The following COL17A1 variants were observed in gnomAD, a reference collection of about 807,000 sequenced individuals.
The protein encoded by COL17A1 is collagen type XVII alpha 1 chain.
A neutral mutation model predicts 218.4 loss-of-function variants in COL17A1; 181 were observed. That is an observed-to-expected ratio of 0.83 (90% confidence interval 0.73 to 0.94). The LOEUF is 0.94. Among genes scored for constraint, COL17A1 ranks in the 40% least tolerant of loss-of-function variants. COL17A1 has a pLI of 0.00. For synonymous variants in COL17A1, 721 were observed against 731.0 expected, an observed-to-expected ratio of 0.99 and a Z score of 0.22; for missense variants, 1,924 against 1,945.9, an observed-to-expected ratio of 0.99 and a Z score of 0.21.
At chr10:104,058,023 T>A in intron 16 of COL17A1, 123 bp downstream of exon 16, 1 of 1,433,740 alleles carries the variant, frequency 7.0e-7, no homozygotes, top group East Asian at 2.4e-5. Flanking sequence ...TTAGGGAAAC[T>A]CTTTAGAGTC....
chr10:104,049,186 T>C (rs1278173144), intron 29 of COL17A1, among the ~76,000 whole-genome samples: 1 of 152,168 alleles, frequency 6.6e-6, no homozygotes, highest in Non-Finnish European at 1.5e-5. Flanking sequence ...GACCATGCCC[T>C]GCAAGGCCTC....
Position 104,077,989 on chromosome 10 carries a change from A to G in COL17A1, c.98-463T>C, listed in dbSNP as rs191773656. Among the ~76,000 whole-genome samples the G allele has an allele frequency of 1.1e-3, 162 of 152,264 alleles. 2 individuals are homozygous for G. Among genetic ancestry groups the G allele is most frequent in the African/African-American group, 3.7e-3 (155 of 41,556 alleles). ...CTGGTGTTCCACCTGGCAGCCCATC[A>G]CTGCTCCGACTTCACCTGCTGGTGG... On this transcript the variant is annotated intron_variant, in intron 3 of 55. Coordinates refer to ENST00000648076, the MANE Select transcript of COL17A1 (RefSeq NM_000494.4).
At chr10:104,042,377 C>T (rs369410341) in intron 36 of COL17A1, 43 bp downstream of exon 36, 105 of 1,610,550 alleles carry the variant, frequency 6.5e-5, no homozygotes, top group Non-Finnish European at 8.8e-5. Context: ...AAAGTCCTCC[C>T]GACTGGGCCC....
chr10:104,044,075 A>G (rs1445869535), intron 33 of COL17A1, among the ~76,000 whole-genome samples: 1 of 152,258 alleles, frequency 6.6e-6, no homozygotes, highest in Non-Finnish European at 1.5e-5. Context: ...ATCCGTCTTC[A>G]TTCAGAGAAG....
In COL17A1 at chr10:104,077,530, C is replaced by A; in HGVS notation, c.98-4G>T. The A allele has an allele frequency of 2.5e-6, 4 of 1,608,254 alleles. No homozygotes were observed. Among genetic ancestry groups the A allele is most frequent in the Non-Finnish European group, 3.4e-6 (4 of 1,177,388 alleles). On this transcript the variant is annotated splice_polypyrimidine_tract_variant and splice_region_variant and intron_variant, in intron 3 of 55. Transcript: ENST00000648076. ...TAGCCATTGCTGGTCCCGCCTTCTG[C>A]CAGGAACAAAAGCAGGTGATAATTT... is the stretch of plus-strand genomic sequence containing the variant.
chr10:104,046,803 G>A, intron 31 of COL17A1, 30 bp from the exon 32 acceptor site: 2 of 1,612,070 alleles, frequency 1.2e-6, no homozygotes, highest in Non-Finnish European at 1.7e-6. Context: ...AGAGGGAAGA[G>A]TTGAAGGGTG....
intron 33 of COL17A1, among the ~76,000 whole-genome samples, chr10:104,044,846 C>T (rs149203719): frequency 3.3e-5 from 5 of 152,264 alleles, no homozygotes; most frequent in African/African-American, 1.2e-4. Context: ...ACCATCCATT[C>T]GTGAACATAT....
In COL17A1 at chr10:104,038,515, A is replaced by G; in HGVS notation, c.2961T>C (p.Ser987=). ...PSGPSEGGSS[S]TMYVSGPPGP... ...CTGGCGGGCCTGACACGTACATGGT[A>G]CTTGATGATCCCCCTGCAGCAAAGA... The change falls in exon 45 of 56, where the codon AGT becomes AGC. Residue 987 remains serine, a synonymous_variant. Transcript: ENST00000648076. 1 of 1,612,858 alleles carries G rather than the reference A, an allele frequency of 6.2e-7. No individual in the cohort carries two copies. Among genetic ancestry groups the G allele is most frequent in the Non-Finnish European group, 8.5e-7 (1 of 1,179,934 alleles).
At chr10:104,074,142 C>G (rs1188774348) in intron 6 of COL17A1, 42 bp downstream of exon 6, 4 of 1,613,906 alleles carry the variant, frequency 2.5e-6, no homozygotes, top group Non-Finnish European at 3.4e-6. Context: ...TTTCCTAGTG[C>G]CTCGTTTGAC....
Position 104,037,044 on chromosome 10 carries a change from C to G in COL17A1, c.3277+1G>C. On this transcript the variant is annotated splice_donor_variant, in intron 47 of 55. Coordinates refer to ENST00000648076, the MANE Select transcript of COL17A1 (RefSeq NM_000494.4). LOFTEE classifies it high-confidence loss of function. ...CCTCGATCCCCCCACAGGTGACTCA[C>G]GCTGCAGCACAGCCAGAATGTCTTC... is the stretch of plus-strand genomic sequence containing the variant. The G allele has an allele frequency of 6.2e-7, 1 of 1,603,970 alleles. No individual in the cohort carries two copies. Among genetic ancestry groups the G allele is most frequent in the Non-Finnish European group, 8.5e-7 (1 of 1,176,140 alleles).
chr10:104,071,150 G>C (rs1222916575), intron 8 of COL17A1, among the ~76,000 whole-genome samples: 1 of 152,200 alleles, frequency 6.6e-6, no homozygotes, highest in South Asian at 2.1e-4. Flanking sequence ...GGAAGCAGGA[G>C]AGGTGGGAGG....
chr10:104,055,917 T>C lies in COL17A1; in HGVS notation c.1552A>G (p.Arg518Gly), dbSNP rs2086520447. ...SILPYGDSMDRIEKDRLQGMA... is the reference protein window; with the variant it reads ...SILPYGDSMDGIEKDRLQGMA... ...CCCTGGAGGCGGTCCTTTTCTATTC[T>C]ATCCATGCTGTCCCCATAGGGCAGT... Residue 518 changes from arginine to glycine, a missense_variant, in exon 18 of 56, where the codon AGA becomes GGA. Transcript: ENST00000648076. 1 of 1,614,080 alleles carries C rather than the reference T, an allele frequency of 6.2e-7. No individual in the cohort carries two copies.
rs760810021 is a variant in COL17A1, at chr10:104,043,486, A to G, written c.2515+15T>C. The G allele has an allele frequency of 6.2e-7, 1 of 1,612,736 alleles. No homozygotes were observed. ...CCTATTGCTGATTTGGGGCAAAGCAAGAAAATAGACTGACCTGGGGCACCT... is the reference window on the plus strand; with the variant it reads ...CCTATTGCTGATTTGGGGCAAAGCAGGAAAATAGACTGACCTGGGGCACCT... On this transcript the variant is annotated intron_variant, in intron 35 of 55. Transcript: ENST00000648076.
At chr10:104,036,081 T>TGA (rs1179204911) in intron 48 of COL17A1, among the ~76,000 whole-genome samples, 12 of 108,532 alleles carry the variant, frequency 1.1e-4, no homozygotes, top group South Asian at 6.7e-4. Flanking sequence ...TATGGGAGTG[T>TGA]GTATGGGAGT....
At position 104,031,548 on chromosome 10, in the gene COL17A1, C is replaced by T. The variant is rs1351272345; in HGVS notation, c.*687G>A. Reference sequence around the variant, plus strand: ...GCCCTCAACCTTCTTTTTCTGTTTGCTCTGGCCTGGTTCAGTATAACATAT... The same window carrying T: ...GCCCTCAACCTTCTTTTTCTGTTTGTTCTGGCCTGGTTCAGTATAACATAT... On this transcript the variant is annotated 3_prime_UTR_variant, in exon 56 of 56. Coordinates refer to ENST00000648076, the MANE Select transcript of COL17A1 (RefSeq NM_000494.4). 1 of 152,254 alleles carries T rather than the reference C, an allele frequency of 6.6e-6. No individual in the cohort carries two copies. Among genetic ancestry groups the T allele is most frequent in the African/African-American group, 2.4e-5 (1 of 41,394 alleles). The allele number at this position is 152,254 out of a possible 1,614,324, so 9.4% of individuals were successfully genotyped here.
chr10:104,078,836 T>C (rs952164712), intron 2 of COL17A1, among the ~76,000 whole-genome samples: 2 of 152,222 alleles, frequency 1.3e-5, no homozygotes, highest in African/African-American at 4.8e-5. Flanking sequence ...GCACTGCGTT[T>C]GAAACATGAG....
At chr10:104,059,389 A>T in intron 15 of COL17A1, 1 of 565,910 alleles carries the variant, frequency 1.8e-6, no homozygotes, top group Non-Finnish European at 3.2e-6. Flanking sequence ...ATGCCTTCGT[A>T]GACATGGCAG....
chr10:104,071,990 A>G, intron 8 of COL17A1, 42 bp downstream of exon 8: 1 of 1,613,796 alleles, frequency 6.2e-7, no homozygotes, highest in Non-Finnish European at 8.5e-7. Flanking sequence ...CTAGCCCTGG[A>G]TTTCTGGACC....
intron 24 of COL17A1, 108 bp downstream of exon 24, chr10:104,052,047 G>A (rs1227952901): frequency 2.0e-6 from 3 of 1,474,544 alleles, no homozygotes; most frequent in Non-Finnish European, 2.8e-6. Flanking sequence ...CAGGCCTGGG[G>A]CAGGGGGTTA....
Sources: gnomAD v4.1 joint callset for allele counts (sites outside exome capture counted in the v4.1 genomes callset) on GRCh38, gnomAD v4.1.1 for gene constraint, MANE v1.5 for transcripts, NCBI Gene and HGNC (gene_info 2026-07-23, HGNC 2026-07-21) for gene names.